The following ZRANB3 variants were observed in gnomAD, a reference collection of about 807,000 sequenced individuals.
The protein encoded by ZRANB3 is DNA annealing helicase and endonuclease ZRANB3.
ZRANB3 carries 125 observed loss-of-function variants against 133.8 expected under a neutral mutation model. The ratio of observed to expected loss-of-function variants is 0.93; its 90% CI spans 0.81 to 1.08. ZRANB3 has a LOEUF of 1.08. Among genes scored for constraint, ZRANB3 ranks in the 50% least tolerant of loss-of-function variants. ZRANB3 has a pLI of 0.00. For missense variants in ZRANB3, 1,229 were observed against 1,275.5 expected (o/e 0.96, Z 0.56); for synonymous variants, 387 against 432.7 (o/e 0.89, Z 1.31).
intron 1 of ZRANB3, among the ~76,000 whole-genome samples, chr2:135,522,442 C>T (rs375529386): frequency 2.0e-5 from 3 of 152,062 alleles, no homozygotes; most frequent in African/African-American, 4.8e-5. Context: ...GGGTACCCGC[C>T]GGGTGGTGTG....
At chr2:135,402,288 T>C (rs532733939) in intron 2 of ZRANB3, among the ~76,000 whole-genome samples, 2 of 148,058 alleles carry the variant, frequency 1.4e-5, no homozygotes, top group Non-Finnish European at 2.9e-5. Flanking sequence ...TAGTTCATTC[T>C]TTCTCTCTTT....
chr2:135,232,019 G>C (rs555010332), intron 12 of ZRANB3, among the ~76,000 whole-genome samples: 1 of 152,162 alleles, frequency 6.6e-6, no homozygotes, highest in Admixed American at 6.5e-5. Flanking sequence ...AAGCGCAAGG[G>C]GTCAGGGAAT....
At chr2:135,239,062 G>A (rs1695435462) in intron 12 of ZRANB3, among the ~76,000 whole-genome samples, 1 of 152,088 alleles carries the variant, frequency 6.6e-6, no homozygotes, top group African/African-American at 2.4e-5. Context: ...CTAAGTTTTG[G>A]AGCAATTTGT....
At position 135,345,572 on chromosome 2, in the gene ZRANB3, T is replaced by C. The variant is rs1558932388; in HGVS notation, c.655A>G (p.Arg219Gly). The stretch of plus-strand genomic sequence containing the variant: ...TACCTGATGTGTGCATTACAGTATC[T>C]TTTTGCATAGTCGGTCCATCTTCCA... ...KFGRWTDYAKRYCNAHIRYFG... is the reference protein window; with the variant it reads ...KFGRWTDYAKGYCNAHIRYFG... Residue 219 changes from arginine to glycine, a missense_variant, in exon 6 of 21, where the codon AGA (arginine) becomes GGA (glycine). Transcript: ENST00000264159. 5.0e-6 allele frequency: 8 copies of C among 1,612,492 alleles called. No individual in the cohort carries two copies. The highest frequency in any genetic ancestry group is 1.7e-5 in the Admixed American group (1 of 59,848).
At chr2:135,233,345 T>C (rs1695123037) in intron 12 of ZRANB3, among the ~76,000 whole-genome samples, 1 of 152,096 alleles carries the variant, frequency 6.6e-6, no homozygotes, top group African/African-American at 2.4e-5. Flanking sequence ...ATGGGGAGAA[T>C]GGAACCAAGT....
At chr2:135,316,984 ATAT>A (rs1325524811) in intron 6 of ZRANB3, among the ~76,000 whole-genome samples, 12 of 109,188 alleles carry the variant, frequency 1.1e-4, no homozygotes, top group East Asian at 4.9e-4. Context: ...AAAAAAAAAA[ATAT>A]ATATATATAT....
At chr2:135,436,950 T>C (rs1228948937) in intron 2 of ZRANB3, among the ~76,000 whole-genome samples, 1 of 152,168 alleles carries the variant, frequency 6.6e-6, no homozygotes, top group Non-Finnish European at 1.5e-5. Flanking sequence ...AATACTAGAA[T>C]GGATAAATTG....
At chr2:135,335,836 T>C (rs955695090) in intron 6 of ZRANB3, among the ~76,000 whole-genome samples, 1 of 152,202 alleles carries the variant, frequency 6.6e-6, no homozygotes, top group African/African-American at 2.4e-5. Flanking sequence ...TGTTCTCTTT[T>C]TCTATGTAAA....
At chr2:135,381,056 C>T (rs953406755) in intron 3 of ZRANB3, among the ~76,000 whole-genome samples, 10 of 152,098 alleles carry the variant, frequency 6.6e-5, no homozygotes, top group African/African-American at 1.9e-4. Context: ...GGTAAGGCAT[C>T]ACCTCACCTG....
At chr2:135,212,115 T>C (rs546464594) in intron 17 of ZRANB3, among the ~76,000 whole-genome samples, 3 of 152,346 alleles carry the variant, frequency 2.0e-5, no homozygotes, top group Non-Finnish European at 4.4e-5. Flanking sequence ...AGGGGGAATA[T>C]CTTTTCACAT....
chr2:135,342,731 T>C (rs555225043), intron 6 of ZRANB3, among the ~76,000 whole-genome samples: 12 of 149,618 alleles, frequency 8.0e-5, no homozygotes, highest in Non-Finnish European at 1.8e-4. Flanking sequence ...GTGGTAATAG[T>C]GAACATCCTT....
intron 2 of ZRANB3, among the ~76,000 whole-genome samples, chr2:135,443,156 A>C (rs2104995497): frequency 6.6e-6 from 1 of 152,032 alleles, no homozygotes; most frequent in Non-Finnish European, 1.5e-5. Flanking sequence ...AAAGAAAAGA[A>C]AATGTGGCAC....
intron 16 of ZRANB3, 68 bp from the exon 17 acceptor site, chr2:135,217,675 A>C: frequency 6.5e-7 from 1 of 1,539,266 alleles, no homozygotes; most frequent in Non-Finnish European, 8.7e-7. Flanking sequence ...ATGTGAGCCT[A>C]TTTACAACAT....
In ZRANB3 at chr2:135,513,195, C is replaced by T. The variant is rs148564252; in HGVS notation, c.-7-8699G>A. On this transcript the variant is annotated intron_variant, in intron 1 of 20. Coordinates refer to ENST00000264159, the MANE Select transcript of ZRANB3 (RefSeq NM_032143.4). ...CACAGCTGATTATACTTTCAAAATT[C>T]GATCACTGACAAGCTGATTCTAAAA... Among the ~76,000 whole-genome samples the T allele has an allele frequency of 3.0e-3, 453 of 152,160 alleles. 2 individuals carry two copies. The highest frequency in any genetic ancestry group is 0.01 in the African/African-American group (422 of 41,528).
chr2:135,485,144 CAAACAAAACAAAACAAAACA>C (rs377465491), intron 2 of ZRANB3, among the ~76,000 whole-genome samples: 1,532 of 148,850 alleles, frequency 0.01, 24 homozygotes, highest in African/African-American at 0.036. Context: ...CAAAACAAAA[CAAACAAAACAAAACAAAACA>C]AAACAAAACA....
intron 17 of ZRANB3, among the ~76,000 whole-genome samples, chr2:135,214,510 T>C (rs1463770375): frequency 1.3e-5 from 2 of 152,070 alleles, no homozygotes; most frequent in East Asian, 3.9e-4. Flanking sequence ...CCATGTCCGA[T>C]GGAGAAGAAA....
chr2:135,299,539 G>A (rs765161245), intron 8 of ZRANB3, among the ~76,000 whole-genome samples: 11 of 152,128 alleles, frequency 7.2e-5, no homozygotes, highest in Non-Finnish European at 1.3e-4. Flanking sequence ...GAGTTCAGCT[G>A]GAAGTTTCCT....
intron 2 of ZRANB3, among the ~76,000 whole-genome samples, chr2:135,451,224 T>C (rs1690252915): frequency 6.6e-6 from 1 of 152,128 alleles, no homozygotes; most frequent in African/African-American, 2.4e-5. Flanking sequence ...ATATTAAAAA[T>C]TTCCAACACT....
In ZRANB3 at chr2:135,228,009, T is replaced by C; in HGVS notation, c.1961A>G (p.Gln654Arg). 6.6e-7 allele frequency: 1 copy of C among 1,526,428 alleles called. No homozygotes were observed. Among genetic ancestry groups the C allele is most frequent in the Non-Finnish European group, 8.8e-7 (1 of 1,138,054 alleles). 94.6% of individuals were successfully genotyped at this position (1,526,428 alleles called of 1,614,324 possible). ...CTGGATATGGTTGAGGCTATCTATT[T>C]GCATAACTATTAAAATAAAAATTAT... Reference protein sequence around the residue: ...CETPQGSAVMQIDSLNHIQDK... With the variant: ...CETPQGSAVMRIDSLNHIQDK... The change falls in exon 14 of 21, where the codon CAA becomes CGA. Residue 654 changes from glutamine (Q) to arginine (R), a missense_variant. By Grantham distance (43) the Gln-to-Arg change is conservative. Coordinates refer to ENST00000264159, the MANE Select transcript of ZRANB3 (RefSeq NM_032143.4).
Sources: allele counts gnomAD v4.1 joint callset (sites outside exome capture counted in the v4.1 genomes callset), GRCh38; gene constraint gnomAD v4.1.1; transcripts MANE v1.5; gene names NCBI Gene and HGNC (gene_info 2026-07-23, HGNC 2026-07-21).